LDLRAD4: variants seen among roughly 807,000 people sequenced by gnomAD.
LDLRAD4 encodes low density lipoprotein receptor class A domain containing 4.
Under a neutral mutation model 17.0 loss-of-function variants are expected in LDLRAD4, and 5 were observed. The observed-to-expected ratio is 0.29, with a 90% CI of 0.15 to 0.62. LDLRAD4 has a LOEUF of 0.62. LDLRAD4 is among the 20% of genes least tolerant of loss of function. The probability of loss-of-function intolerance (pLI) is 0.84; values close to 1 mark genes in which losing one functional copy is unlikely to be tolerated. For missense variants in LDLRAD4, 340 were observed against 424.7 expected, an observed-to-expected ratio of 0.80 and a Z score of 1.75; for synonymous variants, 168 against 171.8, an observed-to-expected ratio of 0.98 and a Z score of 0.17.
chr18:13,296,270 A>G (rs79565994), intron 1 of LDLRAD4, among the ~76,000 whole-genome samples: 2,862 of 152,352 alleles, frequency 0.019, 218 homozygotes, highest in Admixed American at 0.13. Flanking sequence ...GAGATGTTTT[A>G]GGGTCCTCTG....
chr18:13,553,401 C>T (rs1436413112), intron 3 of LDLRAD4, among the ~76,000 whole-genome samples: 1 of 152,128 alleles, frequency 6.6e-6, no homozygotes, highest in Admixed American at 6.5e-5. Context: ...AGATGTGAGA[C>T]GAGATTTTGA....
chr18:13,412,903 C>T (rs1348553254), intron 2 of LDLRAD4, among the ~76,000 whole-genome samples: 3 of 152,144 alleles, frequency 2.0e-5, no homozygotes, highest in East Asian at 3.8e-4. Context: ...ATCTATGAAC[C>T]GAGCTGAGAA....
chr18:13,255,279 G>A (rs2043443136), intron 1 of LDLRAD4, among the ~76,000 whole-genome samples: 1 of 152,156 alleles, frequency 6.6e-6, no homozygotes, highest in Admixed American at 6.5e-5. Context: ...GGTCTGTGCT[G>A]GGAGAGGCAG....
chr18:13,259,864 G>A (rs2043716983), intron 1 of LDLRAD4, among the ~76,000 whole-genome samples: 1 of 152,224 alleles, frequency 6.6e-6, no homozygotes, highest in Non-Finnish European at 1.5e-5. Flanking sequence ...GGTGCGCAGG[G>A]CAAGACCAGC....
chr18:13,588,450 T>C (rs2094963673), intron 3 of LDLRAD4, among the ~76,000 whole-genome samples: 3 of 152,258 alleles, frequency 2.0e-5, no homozygotes, highest in Admixed American at 2.0e-4. Flanking sequence ...TTTATCTTTT[T>C]TCAGTGAAAT....
rs373372325 is a variant in LDLRAD4 at position 13,645,458 on chromosome 18, C to A, written c.722C>A (p.Thr241Asn). 1.9e-6 allele frequency: 3 copies of A among 1,613,140 alleles called. No individual in the cohort carries two copies. The African/African-American group carries it at 4.0e-5, about 22-fold the overall frequency. Reference sequence around the variant, plus strand: ...AGCAACTCGGGCATCAGTGCAAGCACCTGCAGCAGTAACGGGAGGATGGAG... The same window carrying A: ...AGCAACTCGGGCATCAGTGCAAGCAACTGCAGCAGTAACGGGAGGATGGAG... The change falls in exon 6 of 6, where the codon ACC becomes AAC. Residue 241 changes from threonine (T) to asparagine (N), a missense_variant. Physicochemically the swap from Thr to Asn is moderately conservative, Grantham distance 65. Transcript: ENST00000359446. The surrounding 1 kb of genome is among the most constrained non-coding windows in gnomAD (Gnocchi z 5.7).
At chr18:13,555,056 A>G (rs2094471008) in intron 3 of LDLRAD4, among the ~76,000 whole-genome samples, 2 of 152,198 alleles carry the variant, frequency 1.3e-5, no homozygotes, top group African/African-American at 2.4e-5. Flanking sequence ...ATCCCAGTCA[A>G]GGAGAATTCT....
At chr18:13,639,208 A>G (rs2042318579) in intron 4 of LDLRAD4, among the ~76,000 whole-genome samples, 1 of 152,244 alleles carries the variant, frequency 6.6e-6, no homozygotes, top group Non-Finnish European at 1.5e-5. Context: ...CATAATGAGT[A>G]TGCGGGAATG....
chr18:13,332,100 T>C (rs2081891863), intron 1 of LDLRAD4, among the ~76,000 whole-genome samples: 1 of 152,256 alleles, frequency 6.6e-6, no homozygotes, highest in Non-Finnish European at 1.5e-5. Flanking sequence ...TCTCTATTTC[T>C]TCCTGTGGAA....
chr18:13,592,797 ATTTGTAATTCC>A (rs34437650), intron 3 of LDLRAD4, among the ~76,000 whole-genome samples: 1,942 of 152,278 alleles, frequency 0.013, 42 homozygotes, highest in African/African-American at 0.044. Context: ...TTTAGAAGGA[ATTTGTAATTCC>A]TTCTATAAAT....
intron 1 of LDLRAD4, among the ~76,000 whole-genome samples, chr18:13,383,749 G>A (rs1442092263): frequency 6.6e-6 from 1 of 152,050 alleles, no homozygotes; most frequent in Non-Finnish European, 1.5e-5. Context: ...CACCCACCCT[G>A]CGCTGCCTGT....
At chr18:13,296,481 G>A (rs1338513230) in intron 1 of LDLRAD4, among the ~76,000 whole-genome samples, 1 of 152,038 alleles carries the variant, frequency 6.6e-6, no homozygotes, top group Non-Finnish European at 1.5e-5. Flanking sequence ...GTCCTCATGT[G>A]GCCTCTTCTC....
intron 1 of LDLRAD4, among the ~76,000 whole-genome samples, chr18:13,224,812 C>T (rs891244303): frequency 2.0e-5 from 3 of 150,818 alleles, no homozygotes; most frequent in African/African-American, 7.3e-5. Context: ...AAAAGTTATC[C>T]CATCTTTAAG....
chr18:13,479,551 G>T (rs2093032271), intron 3 of LDLRAD4, among the ~76,000 whole-genome samples: 3 of 152,108 alleles, frequency 2.0e-5, no homozygotes, highest in Non-Finnish European at 4.4e-5. Flanking sequence ...AACCCGGGAG[G>T]CGGAGGCTGC....
At chr18:13,478,494 A>C (rs2093004087) in intron 3 of LDLRAD4, among the ~76,000 whole-genome samples, 1 of 152,256 alleles carries the variant, frequency 6.6e-6, no homozygotes, top group Non-Finnish European at 1.5e-5. Context: ...TATATCAACA[A>C]TAAACAAGTG....
At chr18:13,632,833 C>T (rs185197107) in intron 4 of LDLRAD4, among the ~76,000 whole-genome samples, 1 of 152,360 alleles carries the variant, frequency 6.6e-6, no homozygotes, top group Non-Finnish European at 1.5e-5. Flanking sequence ...TCTCAGGAGA[C>T]CCAGACTGGA....
At chr18:13,567,450 C>T (rs962550608) in intron 3 of LDLRAD4, among the ~76,000 whole-genome samples, 5 of 152,100 alleles carry the variant, frequency 3.3e-5, no homozygotes, top group African/African-American at 9.7e-5. Flanking sequence ...ACTGTCACCA[C>T]CCCCCGCCGC....
At chr18:13,507,749 T>G (rs1182362469) in intron 3 of LDLRAD4, among the ~76,000 whole-genome samples, 1 of 152,210 alleles carries the variant, frequency 6.6e-6, no homozygotes, top group Non-Finnish European at 1.5e-5. Context: ...CACTAGCTGT[T>G]CCGTCACTTC....
At chr18:13,577,457 T>C (rs1304209285) in intron 3 of LDLRAD4, among the ~76,000 whole-genome samples, 2 of 152,044 alleles carry the variant, frequency 1.3e-5, no homozygotes, top group African/African-American at 4.8e-5. Context: ...ACTGTGGTGA[T>C]GTTAGAAATG....
Sources: gnomAD v4.1 joint callset for allele counts (sites outside exome capture counted in the v4.1 genomes callset) on GRCh38, gnomAD v4.1.1 for gene constraint, Gnocchi (gnomAD v3.1) non-coding constraint, MANE v1.5 for transcripts, NCBI Gene and HGNC (gene_info 2026-07-23, HGNC 2026-07-21) for gene names.